The following CASC3 variants were observed in gnomAD, a reference collection of about 807,000 sequenced individuals.
CASC3 encodes CASC3 exon junction complex subunit, also known as protein CASC3.
A neutral mutation model predicts 80.5 loss-of-function variants in CASC3; 30 were observed. That is an observed-to-expected ratio of 0.37 (90% CI 0.28 to 0.51). The LOEUF is 0.51. Ranked by LOEUF, CASC3 falls within the 20% of genes least tolerant of loss-of-function variation. CASC3 has a pLI of 0.94. For synonymous variants in CASC3, 312 were observed against 333.6 expected, an observed-to-expected ratio of 0.94 and a Z score of 0.70; for missense variants, 824 against 922.2, an observed-to-expected ratio of 0.89 and a Z score of 1.38.
chr17:40,143,327 T>G (rs372448529), intron 3 of CASC3, among the ~76,000 whole-genome samples: 3 of 151,972 alleles, frequency 2.0e-5, no homozygotes, highest in East Asian at 3.9e-4. Context: ...ATGCCTGTAA[T>G]TCCAGCTACT....
chr17:40,171,753 G>A lies in CASC3; in HGVS notation c.*1348G>A, dbSNP rs1295725768. ...CTGTCCCTGTCCTTCTACAGAACCT[G>A]AGGGCAAAGATGGTGGCTGTGTCTC... On this transcript the variant is annotated 3_prime_UTR_variant, in exon 14 of 14. Transcript: ENST00000264645. 2 of 1,151,950 alleles carry A rather than the reference G, an allele frequency of 1.7e-6. No individual in the cohort carries two copies. Among genetic ancestry groups the A allele is most frequent in the Admixed American group, 4.0e-5 (1 of 25,270 alleles). The allele number at this position is 1,151,950 out of a possible 1,614,324, so 71.4% of individuals were successfully genotyped here.
Position 40,168,363 on chromosome 17 carries a change from T to C in CASC3, c.1911T>C (p.Tyr637=), listed in dbSNP as rs182384876. The part of the protein sequence containing the change: ...VMNFGNPSYP[Y]APGALPPPPP... ...ACTTTGGTAATCCCAGTTACCCTTA[T>C]GCTCCAGGGGCACTGCCTCCCCCAC... is the stretch of plus-strand genomic sequence containing the variant. The change falls in exon 11 of 14, where the codon TAT becomes TAC. Residue 637 remains tyrosine, a synonymous_variant. Coordinates refer to ENST00000264645, the MANE Select transcript of CASC3 (RefSeq NM_007359.5). The C allele has an allele frequency of 2.7e-4, 435 of 1,614,160 alleles. No homozygotes were observed. Among genetic ancestry groups the C allele is most frequent in the Non-Finnish European group, 3.4e-4 (400 of 1,180,024 alleles).
At chr17:40,170,354 AT>A in intron 13 of CASC3, 92 bp from the exon 14 acceptor site, 2 of 837,568 alleles carry the variant, frequency 2.4e-6, no homozygotes, top group Non-Finnish European at 2.9e-6. Context: ...AAAACACATT[AT>A]TTAGAAGTGT....
Position 40,163,724 on chromosome 17 carries a change from T to TTA in CASC3, c.1029_1030insTA (p.Lys344Ter). 6.2e-7 allele frequency: 1 copy of TTA among 1,614,138 alleles called. No individual in the cohort carries two copies. Among genetic ancestry groups the TTA allele is most frequent in the Non-Finnish European group, 8.5e-7 (1 of 1,180,012 alleles). On this transcript the variant is annotated frameshift_variant, in exon 7 of 14. Coordinates refer to ENST00000264645, the MANE Select transcript of CASC3 (RefSeq NM_007359.5). LOFTEE classifies it high-confidence loss of function. ...ATGGTGGCCGGTCTGGTGAGACTGT[T>TTA]AAGCATGAGATTAGTTACCGGTCAC... is the stretch of plus-strand genomic sequence containing the variant.
chr17:40,167,289 C>T (rs773975250), intron 8 of CASC3: 27 of 582,806 alleles, frequency 4.6e-5, no homozygotes, highest in Admixed American at 1.6e-4. Context: ...ATTGATTATG[C>T]ATGTTTCTTT....
intron 2 of CASC3, 153 bp downstream of exon 2, chr17:40,141,387 G>C: frequency 1.2e-6 from 1 of 856,676 alleles, no homozygotes; most frequent in South Asian, 1.5e-5. Flanking sequence ...ATAGGCTTTA[G>C]CAGTATAGTC....
intron 7 of CASC3, among the ~76,000 whole-genome samples, chr17:40,165,788 C>A (rs1989435405): frequency 6.8e-6 from 1 of 147,458 alleles, no homozygotes; most frequent in South Asian, 2.1e-4. Context: ...TAGATGGGTC[C>A]CACTTTGTCA....
chr17:40,160,909 C>G (rs879626086), intron 3 of CASC3, among the ~76,000 whole-genome samples: 1 of 151,820 alleles, frequency 6.6e-6, no homozygotes, highest in Non-Finnish European at 1.5e-5. Context: ...TCCAGGAATA[C>G]CTATGTGGAT....
chr17:40,146,325 TCCCA>T (rs1432924670), intron 3 of CASC3, among the ~76,000 whole-genome samples: 2 of 152,116 alleles, frequency 1.3e-5, no homozygotes, highest in Non-Finnish European at 2.9e-5. Context: ...TGTAGTTACA[TCCCA>T]TCCTGGTAAA....
chr17:40,153,190 A>C (rs879521467), intron 3 of CASC3, among the ~76,000 whole-genome samples: 1 of 150,938 alleles, frequency 6.6e-6, no homozygotes, highest in Non-Finnish European at 1.5e-5. Flanking sequence ...AGCCCTAGAA[A>C]CCCCCTTCCT....
At chr17:40,165,307 G>A (rs1989421144) in intron 7 of CASC3, among the ~76,000 whole-genome samples, 2 of 150,566 alleles carry the variant, frequency 1.3e-5, no homozygotes, top group African/African-American at 4.9e-5. Context: ...TTAAGTGATC[G>A]ACCCATCTTG....
Position 40,163,890 on chromosome 17 carries a change from A to G in CASC3, c.1195A>G (p.Ile399Val), listed in dbSNP as rs1367549987. ...TGCACCACCACCCCCTGATAGGCCC[A>G]TTGAGAAGAAATCCTATTCCCGGGC... ...DAAPPPPDRP[I>V]EKKSYSRARR... The change falls in exon 7 of 14, where the codon ATT becomes GTT. Residue 399 changes from isoleucine (I) to valine (V), a missense_variant. Physicochemically the swap from Ile to Val is conservative, Grantham distance 29. Around this residue, in one of 3 missense-constraint regions of CASC3, gnomAD observed 464 missense variants for 506.0 expected, o/e 0.92. Coordinates refer to ENST00000264645, the MANE Select transcript of CASC3 (RefSeq NM_007359.5). 6.2e-7 allele frequency: 1 copy of G among 1,614,108 alleles called. No homozygotes were observed. The highest frequency in any genetic ancestry group is 8.5e-7 in the Non-Finnish European group (1 of 1,180,018).
At chr17:40,166,976 T>A (rs1257224588) in intron 8 of CASC3, 115 bp downstream of exon 8, 2 of 757,884 alleles carry the variant, frequency 2.6e-6, no homozygotes, top group Non-Finnish European at 4.1e-6. Context: ...TCTTTTTTTT[T>A]GAGACAGAGT....
Position 40,166,808 on chromosome 17 carries a change from C to T in CASC3, c.1483C>T (p.His495Tyr), listed in dbSNP as rs1352113742. Residue 495 changes from histidine (H) to tyrosine (Y), a missense_variant, in exon 8 of 14, where the codon CAT (histidine) becomes TAT (tyrosine). By Grantham distance (83) the His-to-Tyr change is moderately conservative. This residue lies in a region of CASC3 where 464 missense variants were observed against 506.0 expected (regional missense o/e 0.92). Transcript: ENST00000264645. ...TTGGTGTATTACAGGTATGCCCAAC[C>T]ATATACACATGGGAGCAGGACCTCC... The part of the protein sequence containing the change: ...QPRELRGMPN[H>Y]IHMGAGPPPQ... 6.2e-7 allele frequency: 1 copy of T among 1,600,992 alleles called. No homozygotes were observed. The highest frequency in any genetic ancestry group is 8.5e-7 in the Non-Finnish European group (1 of 1,175,920).
chr17:40,167,235 A>G (rs764577916), intron 8 of CASC3: 5 of 541,666 alleles, frequency 9.2e-6, no homozygotes, highest in Non-Finnish European at 1.6e-5. Context: ...TTGGGATTAC[A>G]GGCATGAGCC....
chr17:40,171,822 G>A lies in CASC3; in HGVS notation c.*1417G>A. 8.5e-7 allele frequency: 1 copy of A among 1,180,868 alleles called. No individual in the cohort carries two copies. Among genetic ancestry groups the A allele is most frequent in the Non-Finnish European group, 1.1e-6 (1 of 937,782 alleles). The allele number at this position is 1,180,868 out of a possible 1,614,324, so 73.1% of individuals were successfully genotyped here. A position where few individuals can be genotyped will look rare whatever the true frequency, so the allele number is the denominator to read the frequency against. On this transcript the variant is annotated 3_prime_UTR_variant, in exon 14 of 14. Transcript: ENST00000264645. ...TTTTTATTCCTTCCATCTAGCAGCT[G>A]GCCTAATCACTCTGAGTCACAGGTG...
chr17:40,169,276 G>C, intron 11 of CASC3, 48 bp from the exon 12 acceptor site: 1 of 1,471,518 alleles, frequency 6.8e-7, no homozygotes, highest in Non-Finnish European at 9.0e-7. Flanking sequence ...TCATAGGTTG[G>C]ATGAATTCAT....
chr17:40,143,848 A>G (rs1988784863), intron 3 of CASC3, among the ~76,000 whole-genome samples: 1 of 151,250 alleles, frequency 6.6e-6, no homozygotes, highest in Non-Finnish European at 1.5e-5. Flanking sequence ...GTATATATAT[A>G]TATTAATAAA....
intron 6 of CASC3, 51 bp downstream of exon 6, chr17:40,162,952 G>A: frequency 1.3e-6 from 2 of 1,540,526 alleles, no homozygotes; most frequent in African/African-American, 2.7e-5. Flanking sequence ...GGCTTACGGT[G>A]GCTTACACCT....
Sources: allele counts gnomAD v4.1 joint callset (sites outside exome capture counted in the v4.1 genomes callset), GRCh38; gene constraint gnomAD v4.1.1; regional missense constraint gnomAD v4.1.1; transcripts MANE v1.5; gene names NCBI Gene and HGNC (gene_info 2026-07-23, HGNC 2026-07-21).